FBLN1: variants seen among roughly 807,000 people sequenced by gnomAD.
The protein encoded by FBLN1 is fibulin-1.
In FBLN1, 34 loss-of-function variants were observed where a neutral mutation model predicts 89.7. The ratio of observed to expected loss-of-function variants is 0.38; its 90% CI spans 0.29 to 0.50. The LOEUF is 0.50. FBLN1 is among the 20% of genes least tolerant of loss of function. The pLI is 0.92. For missense variants in FBLN1, 777 were observed against 988.1 expected, an observed-to-expected ratio of 0.79 and a Z score of 2.86; for synonymous variants, 393 against 391.3, an observed-to-expected ratio of 1.00 and a Z score of -0.05.
chr22:45,555,892 T>C (rs529088825), intron 14 of FBLN1, among the ~76,000 whole-genome samples: 37 of 152,370 alleles, frequency 2.4e-4, no homozygotes, highest in African/African-American at 8.7e-4. Flanking sequence ...AATGCTGATG[T>C]GAATTCAATA....
rs567230774 is a variant in FBLN1 at position 45,545,983 on chromosome 22, A to G, written c.1322-1102A>G. On this transcript the variant is annotated intron_variant, in intron 11 of 16. Coordinates refer to ENST00000327858, the MANE Select transcript of FBLN1 (RefSeq NM_006486.3). The surrounding 1 kb of genome is among the most constrained non-coding windows in gnomAD (Gnocchi z 5.9). The stretch of plus-strand genomic sequence containing the variant: ...GCCAACATCGTGAAACCCTGTGTCT[A>G]CTAAAAATACAAAAATTAGCCGGGC... Among the ~76,000 whole-genome samples, 1 of 152,244 alleles carries G rather than the reference A, an allele frequency of 6.6e-6. No homozygotes were observed. Among genetic ancestry groups the G allele is most frequent in the East Asian group, 1.9e-4 (1 of 5,160 alleles).
rs1341541898 is a variant in FBLN1, at chr22:45,572,101, C to T, written c.1698-2410C>T. On this transcript the variant is annotated intron_variant, in intron 14 of 16. Transcript: ENST00000327858. This position sits in a 1 kb window ranked among gnomAD's most constrained non-coding sequence, Gnocchi z 5.8. ...CCGATATCGCACCACAGCACTCCAG[C>T]CTGGGTGACAGAGCGAGACTCATCT... Among the ~76,000 whole-genome samples, 1 of 152,002 alleles carries T rather than the reference C, an allele frequency of 6.6e-6. No individual in the cohort carries two copies. The highest frequency in any genetic ancestry group is 6.6e-5 in the Admixed American group (1 of 15,240).
At chr22:45,541,748 C>T (rs1353433535) in intron 9 of FBLN1, among the ~76,000 whole-genome samples, 1 of 152,268 alleles carries the variant, frequency 6.6e-6, no homozygotes, top group African/African-American at 2.4e-5. Context: ...CACACAAGCA[C>T]TGTCCTTTCC....
At chr22:45,526,148 C>A (rs2072922719) in intron 3 of FBLN1, among the ~76,000 whole-genome samples, 1 of 152,198 alleles carries the variant, frequency 6.6e-6, no homozygotes, top group Non-Finnish European at 1.5e-5. Context: ...TATAACGACC[C>A]TAAAAGAGGA....
In FBLN1 at chr22:45,535,344, G is replaced by A; in HGVS notation, c.922+7G>A. The A allele has an allele frequency of 1.2e-6, 2 of 1,614,146 alleles. No individual in the cohort carries two copies. Among genetic ancestry groups the A allele is most frequent in the East Asian group, 2.2e-5 (1 of 44,888 alleles). ...GCTCTAGGCAACTGTATTGGTAAGA[G>A]GTGTGCCGCCAGGATTAGCGGGTTA... On this transcript the variant is annotated splice_region_variant and intron_variant, in intron 8 of 16. Transcript: ENST00000327858.
rs377063102 is a variant in FBLN1, at chr22:45,600,466, C to T, written c.*20C>T. 234 of 1,613,988 alleles carry T rather than the reference C, an allele frequency of 1.4e-4. No individual in the cohort carries two copies. Among genetic ancestry groups the T allele is most frequent in the Non-Finnish European group, 1.9e-4 (226 of 1,179,990 alleles). On this transcript the variant is annotated 3_prime_UTR_variant, in exon 17 of 17. Coordinates refer to ENST00000327858, the MANE Select transcript of FBLN1 (RefSeq NM_006486.3). ...TTCTGAGGGCTGGTCTGCCGCACAG[C>T]CGCAGGTGCACCTCCAGGCCAAATC...
rs563526348 is a variant in FBLN1 at position 45,590,501 on chromosome 22, A to T, written c.1973-9806A>T. Among the ~76,000 whole-genome samples the T allele has an allele frequency of 3.9e-5, 6 of 152,238 alleles. No individual in the cohort carries two copies. In the East Asian group the frequency reaches 1.2e-3, roughly 29 times the overall value. ...ACCTGCTGTGAGCCCGGGTGGGGGT[A>T]GGGTGAGAAGAGCCCCCTGCAGAGC... On this transcript the variant is annotated intron_variant, in intron 16 of 16. Coordinates refer to ENST00000327858, the MANE Select transcript of FBLN1 (RefSeq NM_006486.3). The surrounding 1 kb of genome is among the most constrained non-coding windows in gnomAD (Gnocchi z 4.1).
Position 45,503,072 on chromosome 22 carries a change from C to T in FBLN1, c.79+8C>T. 1 of 1,235,960 alleles carries T rather than the reference C, an allele frequency of 8.1e-7. No homozygotes were observed. Among genetic ancestry groups the T allele is most frequent in the Non-Finnish European group, 1.0e-6 (1 of 989,730 alleles). The allele number at this position is 1,235,960 out of a possible 1,614,324, so 76.6% of individuals were successfully genotyped here. A position where few individuals can be genotyped will look rare whatever the true frequency, so the allele number is the denominator to read the frequency against. On this transcript the variant is annotated splice_region_variant and intron_variant, in intron 1 of 16. Coordinates refer to ENST00000327858, the MANE Select transcript of FBLN1 (RefSeq NM_006486.3). ...CGCTGCTGGCGGCCGGAGGTAGGGGCGTCCCGGGTCCGCCGCCCCAGCTTA... is the reference window on the plus strand; with the variant it reads ...CGCTGCTGGCGGCCGGAGGTAGGGGTGTCCCGGGTCCGCCGCCCCAGCTTA...
intron 8 of FBLN1, among the ~76,000 whole-genome samples, chr22:45,540,745 C>G (rs1352120341): frequency 6.6e-6 from 1 of 152,182 alleles, no homozygotes; most frequent in Non-Finnish European, 1.5e-5. Context: ...GATGTGTCCA[C>G]TCAAGGAAGG....
intron 1 of FBLN1, among the ~76,000 whole-genome samples, chr22:45,509,889 T>TG (rs1163544538): frequency 6.6e-6 from 1 of 151,926 alleles, no homozygotes; most frequent in African/African-American, 2.4e-5. Flanking sequence ...GTGGGGCAGG[T>TG]GGGGTGGGGG....
chr22:45,573,551 T>C (rs134819), intron 14 of FBLN1, among the ~76,000 whole-genome samples: 118,105 of 151,248 alleles, frequency 0.78, 46,192 homozygotes, highest in Middle Eastern at 0.89. Context: ...CATGGTGGCA[T>C]GCGCCTGTAA....
intron 7 of FBLN1, among the ~76,000 whole-genome samples, chr22:45,534,737 C>G (rs1280032264): frequency 6.6e-6 from 1 of 152,192 alleles, no homozygotes; most frequent in Non-Finnish European, 1.5e-5. Context: ...GACCATTTGA[C>G]AGCCATGAAC....
chr22:45,527,555 G>A (rs535565013), intron 3 of FBLN1, among the ~76,000 whole-genome samples: 64 of 152,268 alleles, frequency 4.2e-4, no homozygotes, highest in Non-Finnish European at 6.8e-4. Flanking sequence ...GTCTCTGGGC[G>A]GGGCAGGGAT....
At chr22:45,573,842 G>A (rs13057220) in intron 14 of FBLN1, among the ~76,000 whole-genome samples, 4,795 of 152,170 alleles carry the variant, frequency 0.032, 114 homozygotes, top group Non-Finnish European at 0.049. Context: ...TTATAAAGGC[G>A]TTTGCCTTGT....
chr22:45,573,515 A>C (rs1319986454), intron 14 of FBLN1, among the ~76,000 whole-genome samples: 1 of 151,144 alleles, frequency 6.6e-6, no homozygotes, highest in Non-Finnish European at 1.5e-5. Context: ...CTCTACTAAA[A>C]AAAAATACAA....
Position 45,590,301 on chromosome 22 carries a change from C to T in FBLN1, c.1973-10006C>T, listed in dbSNP as rs1433196170. On this transcript the variant is annotated intron_variant, in intron 16 of 16. Coordinates refer to ENST00000327858, the MANE Select transcript of FBLN1 (RefSeq NM_006486.3). This position sits in a 1 kb window ranked among gnomAD's most constrained non-coding sequence, Gnocchi z 4.1. The stretch of plus-strand genomic sequence containing the variant: ...AGCCTTCACTCCGGAAGGCAGAGGG[C>T]AGGACTTGGCCCCTCTGGTGTGCCC... Among the ~76,000 whole-genome samples, 2 of 152,226 alleles carry T rather than the reference C, an allele frequency of 1.3e-5. No individual in the cohort carries two copies. The highest frequency in any genetic ancestry group is 1.5e-5 in the Non-Finnish European group (1 of 68,036).
At position 45,563,527 on chromosome 22, in the gene FBLN1, G is replaced by A. The variant is rs763505716; in HGVS notation, c.1698-10984G>A. ...GGGGTCCCTGTTCACAGAGCCCACT[G>A]TCTGTGCCGACAGGGAGGCCAGGCC... is the stretch of plus-strand genomic sequence containing the variant. On this transcript the variant is annotated intron_variant, in intron 14 of 16. Coordinates refer to ENST00000327858, the MANE Select transcript of FBLN1 (RefSeq NM_006486.3). The surrounding 1 kb of genome is among the most constrained non-coding windows in gnomAD (Gnocchi z 5.7). Among the ~76,000 whole-genome samples, 1 of 152,222 alleles carries A rather than the reference G, an allele frequency of 6.6e-6. No homozygotes were observed. The highest frequency in any genetic ancestry group is 1.5e-5 in the Non-Finnish European group (1 of 68,044).
rs1378845091 is a variant in FBLN1 at position 45,541,333 on chromosome 22, C to T, written c.1027C>T (p.Arg343Cys). Reference protein sequence around the residue: ...TCQKNVPNCGRGYHLNEEGTR... With the variant: ...TCQKNVPNCGCGYHLNEEGTR... ...CCAGAAGAACGTGCCCAACTGTGGC[C>T]GTGGCTACCATCTCAACGAGGAGGG... The change falls in exon 9 of 17, where the codon CGT (arginine) becomes TGT (cysteine). Residue 343 changes from arginine (R) to cysteine (C), a missense_variant. By Grantham distance (180) the Arg-to-Cys change is radical. Transcript: ENST00000327858. 2.5e-6 allele frequency: 4 copies of T among 1,614,232 alleles called. No homozygotes were observed. The highest frequency in any genetic ancestry group is 1.1e-5 in the South Asian group (1 of 91,088).
In FBLN1 at chr22:45,600,420, A is replaced by G; in HGVS notation, c.2086A>G (p.Ile696Val). 1 of 1,614,184 alleles carries G rather than the reference A, an allele frequency of 6.2e-7. No homozygotes were observed. The highest frequency in any genetic ancestry group is 8.5e-7 in the Non-Finnish European group (1 of 1,180,036). The change falls in exon 17 of 17, where the codon ATC becomes GTC. Residue 696 changes from isoleucine (I) to valine (V), a missense_variant. Physicochemically the swap from Ile to Val is conservative, Grantham distance 29. Coordinates refer to ENST00000327858, the MANE Select transcript of FBLN1 (RefSeq NM_006486.3). ...VSHRNVVNVHIFVSEYWF is the reference protein window; with the variant it reads ...VSHRNVVNVHVFVSEYWF ...CCACCGAAATGTTGTCAACGTCCAC[A>G]TCTTCGTCTCTGAGTACTGGTTCTG...
Sources: allele counts gnomAD v4.1 joint callset (sites outside exome capture counted in the v4.1 genomes callset), GRCh38; gene constraint gnomAD v4.1.1; non-coding constraint Gnocchi (gnomAD v3.1); transcripts MANE v1.5; gene names NCBI Gene and HGNC (gene_info 2026-07-23, HGNC 2026-07-21).